The following GLRA3 variants were observed in gnomAD, a reference collection of about 807,000 sequenced individuals.
GLRA3 encodes the protein glycine receptor subunit alpha-3.
In GLRA3, 44 loss-of-function variants were observed where a neutral mutation model predicts 60.4. The ratio of observed to expected loss-of-function variants is 0.73; its 90% CI spans 0.57 to 0.94. The LOEUF (loss-of-function observed/expected upper bound fraction) is 0.94, where lower values mean the gene tolerates loss of function less well. GLRA3 is among the 40% of genes least tolerant of loss of function. GLRA3 has a pLI of 0.00. For synonymous variants in GLRA3, 223 were observed against 192.9 expected, an observed-to-expected ratio of 1.16 and a Z score of -1.29; for missense variants, 508 against 564.6, an observed-to-expected ratio of 0.90 and a Z score of 1.02.
At position 174,691,421 on chromosome 4, in the gene GLRA3, G is replaced by A. The variant is rs1003543013; in HGVS notation, c.575-8482C>T. On this transcript the variant is annotated intron_variant, in intron 5 of 9. Transcript: ENST00000274093. The stretch of plus-strand genomic sequence containing the variant: ...GGTCTCCCTCTCCCTCTCTTTCCAC[G>A]GTCTCCCTCTGATGCCCAGCCAAAG... 6.6e-5 allele frequency among the ~76,000 whole-genome samples: 10 copies of A among 151,942 alleles called. No individual in the cohort carries two copies. The East Asian group carries it at 1.4e-3, about 21-fold the overall frequency.
At chr4:174,666,129 T>C (rs7698784) in intron 7 of GLRA3, among the ~76,000 whole-genome samples, 6,473 of 152,252 alleles carry the variant, frequency 0.043, 455 homozygotes, top group African/African-American at 0.15. Context: ...CCATTTAAGA[T>C]ACTACTGCAA....
chr4:174,664,120 C>T (rs994244227), intron 7 of GLRA3, among the ~76,000 whole-genome samples: 1 of 152,160 alleles, frequency 6.6e-6, no homozygotes, highest in Non-Finnish European at 1.5e-5. Flanking sequence ...GGTTTCCCTC[C>T]CTCCACTCCA....
At position 174,715,520 on chromosome 4, in the gene GLRA3, T is replaced by C; in HGVS notation, c.542A>G (p.Asp181Gly). 6.4e-7 allele frequency: 1 copy of C among 1,558,676 alleles called. No individual in the cohort carries two copies. The highest frequency in any genetic ancestry group is 2.3e-5 in the East Asian group (1 of 44,442). The stretch of plus-strand genomic sequence containing the variant: ...CAGTTGCATTATACATGTTTGTACA[T>C]CCATGGGAAAATTCTTGAGATCCAT... ...CPMDLKNFPM[D>G]VQTCIMQLES... is the part of the protein sequence containing the mutation. Residue 181 changes from aspartate to glycine, a missense_variant, in exon 5 of 10, where the codon GAT (aspartate) becomes GGT (glycine). By Grantham distance (94) the Asp-to-Gly change is moderately conservative. This residue lies in a region of GLRA3 where 329 missense variants were observed against 349.3 expected (regional missense o/e 0.94). Transcript: ENST00000274093.
In GLRA3 at chr4:174,643,696, T is replaced by C. The variant is rs1732695776; in HGVS notation, c.*90A>G. ...ATTTTAATACAATGGTCATCATTTG[T>C]ATACCACACGCACACATATACACAT... On this transcript the variant is annotated 3_prime_UTR_variant, in exon 10 of 10. Transcript: ENST00000274093. 2 of 1,486,890 alleles carry C rather than the reference T, an allele frequency of 1.3e-6. No homozygotes were observed. The highest frequency in any genetic ancestry group is 2.8e-5 in the African/African-American group (2 of 71,618). 92.1% of individuals were successfully genotyped at this position (1,486,890 alleles called of 1,614,324 possible).
At position 174,796,544 on chromosome 4, in the gene GLRA3, C is replaced by CT. The variant is rs879577825; in HGVS notation, c.72-7602dup. 1.8e-3 allele frequency among the ~76,000 whole-genome samples: 257 copies of CT among 144,748 alleles called. 1 individual carries two copies. The highest frequency in any genetic ancestry group is 7.1e-3 in the Middle Eastern group (2 of 282). The allele number at this position is 144,748 out of a possible 152,430, so 95.0% of individuals were successfully genotyped here. A position where few individuals can be genotyped will look rare whatever the true frequency, so the allele number is the denominator to read the frequency against. ...ACATAGTCTATCCCTTTCTTTCTTT[C>CT]TTTTTTTTTTTTAGACGGAGTCTCG... On this transcript the variant is annotated intron_variant, in intron 1 of 9. Coordinates refer to ENST00000274093, the MANE Select transcript of GLRA3 (RefSeq NM_006529.4).
chr4:174,691,621 T>C lies in GLRA3; in HGVS notation c.575-8682A>G, dbSNP rs1296980436. 2.4e-4 allele frequency among the ~76,000 whole-genome samples: 37 copies of C among 152,324 alleles called. No individual in the cohort carries two copies. The South Asian group carries it at 7.7e-3, about 32-fold the overall frequency. On this transcript the variant is annotated intron_variant, in intron 5 of 9. Coordinates refer to ENST00000274093, the MANE Select transcript of GLRA3 (RefSeq NM_006529.4). Reference sequence around the variant, plus strand: ...GTTGGCTGGGCTGGTCTCCAGCTCGTAACCGCGAGTGATCCGCCAGCCTCG... The same window carrying C: ...GTTGGCTGGGCTGGTCTCCAGCTCGCAACCGCGAGTGATCCGCCAGCCTCG...
chr4:174,652,076 C>A (rs994718621), intron 9 of GLRA3, among the ~76,000 whole-genome samples: 6 of 151,674 alleles, frequency 4.0e-5, no homozygotes, highest in African/African-American at 1.2e-4. Context: ...TTTCTATCAG[C>A]TTATTATTAT....
At chr4:174,647,423 A>AC (rs1307195930) in intron 9 of GLRA3, among the ~76,000 whole-genome samples, 1 of 150,974 alleles carries the variant, frequency 6.6e-6, no homozygotes, top group Non-Finnish European at 1.5e-5. Context: ...AAAAAAAAAA[A>AC]AACTCATGGA....
intron 3 of GLRA3, among the ~76,000 whole-genome samples, chr4:174,747,596 C>T (rs963549586): frequency 6.6e-6 from 1 of 152,070 alleles, no homozygotes; most frequent in Non-Finnish European, 1.5e-5. Flanking sequence ...GAGAGGTGAT[C>T]CCCAAAGTGG....
chr4:174,804,250 G>A (rs1301260506), intron 1 of GLRA3, among the ~76,000 whole-genome samples: 1 of 152,146 alleles, frequency 6.6e-6, no homozygotes, highest in Non-Finnish European at 1.5e-5. Context: ...TAGAACCTGT[G>A]ATGGGAAAGA....
intron 5 of GLRA3, among the ~76,000 whole-genome samples, chr4:174,710,026 A>G (rs1735656262): frequency 6.7e-6 from 1 of 149,958 alleles, no homozygotes; most frequent in Admixed American, 6.7e-5. Context: ...GATTAATCAT[A>G]TTTTCCAAAT....
intron 3 of GLRA3, among the ~76,000 whole-genome samples, chr4:174,756,928 G>A (rs1057215149): frequency 5.9e-5 from 9 of 152,202 alleles, no homozygotes; most frequent in South Asian, 4.1e-4. Context: ...TTACAGGCGT[G>A]AGCCCCCGCG....
chr4:174,666,755 TATATTATATATA>T (rs1346273652), intron 7 of GLRA3, among the ~76,000 whole-genome samples: 1 of 124,422 alleles, frequency 8.0e-6, no homozygotes, highest in African/African-American at 2.8e-5. Flanking sequence ...TATATATATA[TATATTATATATA>T]TATATATATA....
chr4:174,809,585 G>A (rs1381675015), intron 1 of GLRA3, among the ~76,000 whole-genome samples: 1 of 151,816 alleles, frequency 6.6e-6, no homozygotes, highest in Non-Finnish European at 1.5e-5. Context: ...ATACAAAAAT[G>A]AGCCAGGTAT....
Position 174,680,213 on chromosome 4 carries a change from A to G in GLRA3, c.712+2589T>C, listed in dbSNP as rs1446411712. On this transcript the variant is annotated intron_variant, in intron 6 of 9. Transcript: ENST00000274093. The stretch of plus-strand genomic sequence containing the variant: ...AAGGGATACACACATGAACACAAAT[A>G]TACACCATTGCTTGTACATAAATAA... 6.6e-5 allele frequency among the ~76,000 whole-genome samples: 10 copies of G among 152,338 alleles called. No individual in the cohort carries two copies. In the East Asian group the frequency reaches 1.9e-3, roughly 29 times the overall value.
intron 8 of GLRA3, among the ~76,000 whole-genome samples, chr4:174,657,854 T>C (rs1386856880): frequency 1.3e-5 from 2 of 152,160 alleles, no homozygotes; most frequent in Admixed American, 6.6e-5. Flanking sequence ...TTTTTGTTCA[T>C]GTATTACTAA....
At chr4:174,713,926 C>T (rs1159070757) in intron 5 of GLRA3, among the ~76,000 whole-genome samples, 2 of 152,140 alleles carry the variant, frequency 1.3e-5, no homozygotes, top group South Asian at 2.1e-4. Flanking sequence ...TCAATTGTCC[C>T]ATCAACATTT....
intron 3 of GLRA3, among the ~76,000 whole-genome samples, chr4:174,761,556 G>A (rs1342421472): frequency 6.6e-6 from 1 of 152,070 alleles, no homozygotes; most frequent in Non-Finnish European, 1.5e-5. Flanking sequence ...TATGGGCACT[G>A]GTGAAAAGTA....
intron 1 of GLRA3, among the ~76,000 whole-genome samples, chr4:174,819,288 G>T (rs904165363): frequency 3.3e-5 from 5 of 152,148 alleles, no homozygotes; most frequent in African/African-American, 9.7e-5. Context: ...ATAAACATTT[G>T]CTGATATTTT....
Sources: gnomAD v4.1 joint callset for allele counts (sites outside exome capture counted in the v4.1 genomes callset) on GRCh38, gnomAD v4.1.1 for gene constraint, gnomAD v4.1.1 regional missense constraint, MANE v1.5 for transcripts, NCBI Gene and HGNC (gene_info 2026-07-23, HGNC 2026-07-21) for gene names.